Variants in ARHGEF33 observed in about 807,000 individuals in gnomAD.
ARHGEF33 encodes the protein DH and coiled-coil domain-containing protein ENSP00000381780.
Under a neutral mutation model 101.9 loss-of-function variants are expected in ARHGEF33, and 72 were observed. That is an observed-to-expected ratio of 0.71 (90% CI 0.58 to 0.86). The LOEUF is 0.86. Among genes scored for constraint, ARHGEF33 ranks in the 40% least tolerant of loss-of-function variants. The pLI is 0.00. For synonymous variants in ARHGEF33, 499 were observed against 442.5 expected, an observed-to-expected ratio of 1.13 and a Z score of -1.60; for missense variants, 1,169 against 1,111.3, an observed-to-expected ratio of 1.05 and a Z score of -0.74.
At chr2:38,943,681 A>T (rs1667368871) in intron 9 of ARHGEF33, among the ~76,000 whole-genome samples, 1 of 152,190 alleles carries the variant, frequency 6.6e-6, no homozygotes, top group South Asian at 2.1e-4. Flanking sequence ...GATGCTTCTC[A>T]GCAGATTTTC....
intron 2 of ARHGEF33, among the ~76,000 whole-genome samples, chr2:38,904,949 C>T (rs535970105): frequency 3.3e-5 from 5 of 152,006 alleles, no homozygotes; most frequent in African/African-American, 9.7e-5. Flanking sequence ...AAGGAAGACT[C>T]GTAAGGATTT....
chr2:38,931,188 C>A lies in ARHGEF33; in HGVS notation c.442C>A (p.Pro148Thr). 6.4e-7 allele frequency: 1 copy of A among 1,551,570 alleles called. No individual in the cohort carries two copies. The highest frequency in any genetic ancestry group is 8.7e-7 in the Non-Finnish European group (1 of 1,146,862). ...QGSPFRSINI[P>T]EPVLPSEDFT... ...AAGTCCTTTTCGTTCTATCAATATC[C>A]CTGAGCCTGTTCTTCCAAGCGAAGA... The change falls in exon 7 of 18, where the codon CCT becomes ACT. Residue 148 changes from proline to threonine, a missense_variant. By Grantham distance (38) the Pro-to-Thr change is conservative. Transcript: ENST00000409978.
chr2:38,962,893 G>T (rs1346001252), intron 16 of ARHGEF33, among the ~76,000 whole-genome samples: 1 of 150,840 alleles, frequency 6.6e-6, no homozygotes, highest in African/African-American at 2.4e-5. Flanking sequence ...GCATGGTGGT[G>T]AGCACCTGTA....
In ARHGEF33 at chr2:38,973,850, CTT is replaced by C. The variant is rs1475077857; in HGVS notation, c.*8_*9del. On this transcript the variant is annotated 3_prime_UTR_variant, in exon 18 of 18. Coordinates refer to ENST00000409978, the MANE Select transcript of ARHGEF33 (RefSeq NM_001145451.5). ...CCAAGGAACAGCTGTGTAAAACATA[CTT>C]AAAGTTGTATTGTCAAGTGGTAAGA... 9.7e-6 allele frequency: 15 copies of C among 1,540,932 alleles called. No individual in the cohort carries two copies. Among genetic ancestry groups the C allele is most frequent in the Non-Finnish European group, 1.3e-5 (15 of 1,142,444 alleles).
At chr2:38,950,904 G>A (rs571943056) in intron 10 of ARHGEF33, 85 bp from the exon 11 acceptor site, 2 of 1,318,766 alleles carry the variant, frequency 1.5e-6, no homozygotes, top group African/African-American at 3.0e-5. Context: ...ATGGCTGGGA[G>A]AATGGGCCCT....
At chr2:38,940,299 A>G (rs1278274861) in intron 9 of ARHGEF33, among the ~76,000 whole-genome samples, 1 of 151,876 alleles carries the variant, frequency 6.6e-6, no homozygotes, top group Non-Finnish European at 1.5e-5. Flanking sequence ...ATTTTTATCC[A>G]TTTAGTTTTT....
chr2:38,939,958 A>C (rs1387371712), intron 9 of ARHGEF33, among the ~76,000 whole-genome samples: 1 of 152,222 alleles, frequency 6.6e-6, no homozygotes, highest in Non-Finnish European at 1.5e-5. Context: ...TCTATGACTT[A>C]TGGTGAATAA....
In ARHGEF33 at chr2:38,925,007, C is replaced by T. The variant is rs138010846; in HGVS notation, c.75+3584C>T. 9.0e-3 allele frequency among the ~76,000 whole-genome samples: 1,365 copies of T among 152,066 alleles called. 9 individuals carry two copies. Among genetic ancestry groups the T allele is most frequent in the Non-Finnish European group, 0.014 (958 of 67,972 alleles). On this transcript the variant is annotated intron_variant, in intron 4 of 17. Coordinates refer to ENST00000409978, the MANE Select transcript of ARHGEF33 (RefSeq NM_001145451.5). ...ATTCATAGGATGGGATATCATGTAG[C>T]CATCAAAAGTAGACATTTAGAAAAA...
intron 5 of ARHGEF33, 41 bp downstream of exon 5, chr2:38,929,112 G>C (rs1179126859): frequency 3.3e-6 from 5 of 1,500,398 alleles, no homozygotes; most frequent in Admixed American, 2.1e-5. Flanking sequence ...AGAGAATTTT[G>C]GTCTCAGTAA....
chr2:38,941,397 C>T (rs1271532365), intron 9 of ARHGEF33, among the ~76,000 whole-genome samples: 1 of 152,168 alleles, frequency 6.6e-6, no homozygotes, highest in African/African-American at 2.4e-5. Context: ...AATGCTTTCA[C>T]ATAGTTGATT....
intron 10 of ARHGEF33, 101 bp from the exon 11 acceptor site, chr2:38,950,888 T>C (rs528656612): frequency 8.8e-7 from 1 of 1,130,270 alleles, no homozygotes; most frequent in East Asian, 2.6e-5. Context: ...ACTCACAGTA[T>C]GTTGGATGGC....
At chr2:38,905,084 T>C (rs1376638663) in intron 2 of ARHGEF33, among the ~76,000 whole-genome samples, 1 of 151,862 alleles carries the variant, frequency 6.6e-6, no homozygotes, top group East Asian at 1.9e-4. Context: ...AAGATACCAA[T>C]GTGATTTCAA....
rs139182595 is a variant in ARHGEF33, at chr2:38,956,909, A to G, written c.1232A>G (p.Lys411Arg). Reference sequence around the variant, plus strand: ...TTCCCCTCCATCCAGAACGTCCTGAAGTTCACAGAGCAGGAGCACCCTGAC... The same window carrying G: ...TTCCCCTCCATCCAGAACGTCCTGAGGTTCACAGAGCAGGAGCACCCTGAC... ...EYLIHLQNVL[K>R]FTEQEHPDYY... Residue 411 changes from lysine (K) to arginine (R), a missense_variant, in exon 14 of 18, where the codon AAG becomes AGG. By Grantham distance (26) the Lys-to-Arg change is conservative. Coordinates refer to ENST00000409978, the MANE Select transcript of ARHGEF33 (RefSeq NM_001145451.5). 233 of 1,552,358 alleles carry G rather than the reference A, an allele frequency of 1.5e-4. No individual in the cohort carries two copies. In the African/African-American group the frequency reaches 2.6e-3, roughly 18 times the overall value.
intron 1 of ARHGEF33, among the ~76,000 whole-genome samples, chr2:38,890,274 A>G (rs1279200095): frequency 6.6e-6 from 1 of 152,254 alleles, no homozygotes; most frequent in Non-Finnish European, 1.5e-5. Context: ...ATATAGTTGA[A>G]GATGAGTTAA....
At position 38,958,403 on chromosome 2, in the gene ARHGEF33, G is replaced by A. The variant is rs554971086; in HGVS notation, c.1535+205G>A. Among the ~76,000 whole-genome samples, 7 of 152,320 alleles carry A rather than the reference G, an allele frequency of 4.6e-5. No individual in the cohort carries two copies. In the East Asian group the frequency reaches 1.3e-3, roughly 29 times the overall value. On this transcript the variant is annotated intron_variant, in intron 15 of 17. Transcript: ENST00000409978. ...GGTGTAGAAAGTGGGAAGAGAGGCA[G>A]AAAGTAGATATTTACTTCATGGATC...
At chr2:38,930,944 A>G (rs1572754400) in intron 6 of ARHGEF33, among the ~76,000 whole-genome samples, 165 bp from the exon 7 acceptor site, 1 of 152,376 alleles carries the variant, frequency 6.6e-6, no homozygotes, top group Non-Finnish European at 1.5e-5. Context: ...AAGTTGAACC[A>G]TATGAATTGC....
At chr2:38,925,707 C>G (rs1666855188) in intron 4 of ARHGEF33, among the ~76,000 whole-genome samples, 1 of 152,186 alleles carries the variant, frequency 6.6e-6, no homozygotes, top group Non-Finnish European at 1.5e-5. Flanking sequence ...TTACCTTCGC[C>G]TCCTTGCCAT....
chr2:38,968,196 G>A (rs1206579842), intron 17 of ARHGEF33, among the ~76,000 whole-genome samples: 1 of 152,082 alleles, frequency 6.6e-6, no homozygotes, highest in Admixed American at 6.6e-5. Context: ...CTAAGAGGAA[G>A]AATTTCCTAA....
In ARHGEF33 at chr2:38,966,078, G is replaced by C; in HGVS notation, c.2416G>C (p.Asp806His). ...AGAAAGTGAACAAACATCTTTCAGCGATCAAAATCCCAGGCAAGACCAGAA... is the reference window on the plus strand; with the variant it reads ...AGAAAGTGAACAAACATCTTTCAGCCATCAAAATCCCAGGCAAGACCAGAA... ...ERESEQTSFS[D>H]QNPRQDQKGG... Residue 806 changes from aspartate to histidine, a missense_variant, in exon 17 of 18, where the codon GAT (aspartate) becomes CAT (histidine). Asp to His is a moderately conservative substitution (Grantham distance 81, BLOSUM62 -1). Transcript: ENST00000409978. The C allele has an allele frequency of 6.4e-7, 1 of 1,551,676 alleles. No homozygotes were observed. Among genetic ancestry groups the C allele is most frequent in the East Asian group, 2.4e-5 (1 of 40,926 alleles).
Sources: allele counts gnomAD v4.1 joint callset (sites outside exome capture counted in the v4.1 genomes callset), GRCh38; gene constraint gnomAD v4.1.1; transcripts MANE v1.5; gene names NCBI Gene and HGNC (gene_info 2026-07-23, HGNC 2026-07-21).